The following ZUP1 variants were observed in gnomAD, a reference collection of about 807,000 sequenced individuals.
ZUP1 encodes the protein zinc finger-containing ubiquitin peptidase 1.
ZUP1 carries 55 observed loss-of-function variants against 68.1 expected under a neutral mutation model. The ratio of observed to expected loss-of-function variants is 0.81; its 90% CI spans 0.65 to 1.01. ZUP1 has a LOEUF of 1.01. Ranked by LOEUF, ZUP1 falls within the 50% of genes least tolerant of loss-of-function variation. The pLI is 0.00. For missense variants in ZUP1, 684 were observed against 674.9 expected, an observed-to-expected ratio of 1.01 and a Z score of -0.15; for synonymous variants, 223 against 221.5, an observed-to-expected ratio of 1.01 and a Z score of -0.06.
intron 5 of ZUP1, 151 bp downstream of exon 5, chr6:116,656,533 T>C (rs1776667501): frequency 3.2e-6 from 2 of 627,496 alleles, no homozygotes; most frequent in African/African-American, 1.9e-5. Context: ...TTATTTATCA[T>C]AAAAATAATT....
At chr6:116,659,563 T>C (rs944958463) in intron 3 of ZUP1, among the ~76,000 whole-genome samples, 2 of 152,016 alleles carry the variant, frequency 1.3e-5, no homozygotes, top group Non-Finnish European at 2.9e-5. Context: ...ACATCCTGCA[T>C]TGATACTCCT....
intron 4 of ZUP1, 148 bp downstream of exon 4, chr6:116,658,655 T>C (rs528976562): frequency 7.3e-6 from 5 of 682,782 alleles, no homozygotes; most frequent in African/African-American, 5.5e-5. Flanking sequence ...TGTGCCTCAC[T>C]AGAATGAATA....
chr6:116,667,286 G>T, intron 1 of ZUP1, 79 bp from the exon 2 acceptor site: 6 of 910,772 alleles, frequency 6.6e-6, no homozygotes, highest in Non-Finnish European at 9.5e-6. Context: ...ACAATTACTT[G>T]GTCTTTAACG....
intron 9 of ZUP1, among the ~76,000 whole-genome samples, chr6:116,639,351 A>G (rs922830696): frequency 5.3e-5 from 8 of 152,188 alleles, no homozygotes; most frequent in African/African-American, 1.9e-4. Context: ...CCCCCAGCAC[A>G]CAGCTGGAGA....
chr6:116,658,237 T>C (rs1776726398), intron 4 of ZUP1, among the ~76,000 whole-genome samples: 1 of 152,214 alleles, frequency 6.6e-6, no homozygotes, highest in South Asian at 2.1e-4. Context: ...TAACAGATGC[T>C]ACCAGTTTAG....
chr6:116,646,034 A>C, intron 8 of ZUP1, 100 bp from the exon 9 acceptor site: 2 of 795,744 alleles, frequency 2.5e-6, no homozygotes, highest in Non-Finnish European at 3.9e-6. Context: ...TGTTTAGAAT[A>C]TAAATACAGT....
At chr6:116,643,667 C>A (rs1045387256) in intron 9 of ZUP1, among the ~76,000 whole-genome samples, 1 of 152,180 alleles carries the variant, frequency 6.6e-6, no homozygotes, top group Non-Finnish European at 1.5e-5. Context: ...CCCTTCCTTA[C>A]ACCTTATACA....
At chr6:116,651,951 A>T (rs1776511769) in intron 6 of ZUP1, 53 bp downstream of exon 6, 1 of 1,558,714 alleles carries the variant, frequency 6.4e-7, no homozygotes, top group Non-Finnish European at 8.8e-7. Context: ...ATATCATTCT[A>T]TATCATATGT....
chr6:116,661,725 T>C (rs1046646546), intron 2 of ZUP1, among the ~76,000 whole-genome samples: 1 of 151,692 alleles, frequency 6.6e-6, no homozygotes, highest in South Asian at 2.1e-4. Context: ...AATCTGTATA[T>C]GTAAGGCCTG....
chr6:116,656,753 G>T lies in ZUP1; in HGVS notation c.892C>A (p.His298Asn), dbSNP rs1776678797. The change falls in exon 5 of 10, where the codon CAT becomes AAT. Residue 298 changes from histidine (H) to asparagine (N), a missense_variant. Coordinates refer to ENST00000368576, the MANE Select transcript of ZUP1 (RefSeq NM_145062.3). ...NRGRMPPSEF[H>N]RRKADMMESL... The stretch of plus-strand genomic sequence containing the variant: ...TCCATCATATCAGCTTTTCTCCTAT[G>T]AAATTCAGATGGAGGCATTCTTCCC... The T allele has an allele frequency of 1.2e-6, 2 of 1,612,304 alleles. No individual in the cohort carries two copies. The highest frequency in any genetic ancestry group is 1.7e-4 in the Middle Eastern group (1 of 6,044).
intron 2 of ZUP1, 51 bp downstream of exon 2, chr6:116,666,583 T>C: frequency 2.1e-6 from 3 of 1,444,772 alleles, no homozygotes; most frequent in Non-Finnish European, 2.8e-6. Context: ...AAATACCACA[T>C]ATTAAATTGA....
Position 116,651,609 on chromosome 6 carries a change from A to G in ZUP1, c.1279T>C (p.Cys427Arg). 1.9e-6 allele frequency: 3 copies of G among 1,613,784 alleles called. No individual in the cohort carries two copies. Among genetic ancestry groups the G allele is most frequent in the East Asian group, 2.2e-5 (1 of 44,828 alleles). The change falls in exon 7 of 10, where the codon TGT (cysteine) becomes CGT (arginine). Residue 427 changes from cysteine (C) to arginine (R), a missense_variant. By Grantham distance (180) the Cys-to-Arg change is radical. Transcript: ENST00000368576. ...GAGGTCAGGAGTATATATACTTCAC[A>G]TGCTCCAATCCAGGCCTTTGTTCCC... Reference protein sequence around the residue: ...LQGTKAWIGACEVYILLTSLR... With the variant: ...LQGTKAWIGAREVYILLTSLR...
intron 2 of ZUP1, among the ~76,000 whole-genome samples, chr6:116,664,440 A>C (rs558825573): frequency 3.6e-4 from 54 of 152,052 alleles, no homozygotes; most frequent in African/African-American, 1.3e-3. Context: ...AAAAAAAAAA[A>C]AACACACACA....
At chr6:116,660,645 AT>A (rs1350917788) in intron 3 of ZUP1, 90 bp downstream of exon 3, 7 of 651,440 alleles carry the variant, frequency 1.1e-5, no homozygotes, top group Non-Finnish European at 1.2e-5. Flanking sequence ...ATTTTAAAAT[AT>A]TTTTTCCATA....
At chr6:116,664,074 T>C (rs1183082538) in intron 2 of ZUP1, among the ~76,000 whole-genome samples, 1 of 152,188 alleles carries the variant, frequency 6.6e-6, no homozygotes, top group Admixed American at 6.5e-5. Context: ...AAAAATCTAA[T>C]TTACAAAAGC....
chr6:116,661,618 AC>A (rs937679744), intron 2 of ZUP1, among the ~76,000 whole-genome samples: 66 of 152,296 alleles, frequency 4.3e-4, no homozygotes, highest in African/African-American at 1.5e-3. Flanking sequence ...CTTGCCAAAA[AC>A]AGAAATTGTT....
rs760783407 is a variant in ZUP1 at position 116,667,047 on chromosome 6, T to G, written c.146A>C (p.Glu49Ala). The change falls in exon 2 of 10, where the codon GAA becomes GCA. Residue 49 changes from glutamate to alanine, a missense_variant. Glu to Ala is a moderately radical substitution (Grantham distance 107, BLOSUM62 -1). Coordinates refer to ENST00000368576, the MANE Select transcript of ZUP1 (RefSeq NM_145062.3). ...TGTATTCTGCTCAAAATGAGCTGTT[T>G]CGATATGAAAACACATTTCATCATA... ...VNYDEMCFHIETAHFEQNTLE... is the reference protein window; with the variant it reads ...VNYDEMCFHIATAHFEQNTLE... The G allele has an allele frequency of 5.6e-6, 9 of 1,613,718 alleles. No individual in the cohort carries two copies. Among genetic ancestry groups the G allele is most frequent in the Non-Finnish European group, 7.6e-6 (9 of 1,179,876 alleles).
At chr6:116,655,773 C>T (rs1776644889) in intron 5 of ZUP1, among the ~76,000 whole-genome samples, 1 of 152,116 alleles carries the variant, frequency 6.6e-6, no homozygotes, top group African/African-American at 2.4e-5. Context: ...GAATATATAA[C>T]AGTACAGGAG....
At chr6:116,661,035 C>T (rs564261072) in intron 2 of ZUP1, among the ~76,000 whole-genome samples, 189 bp from the exon 3 acceptor site, 7 of 151,550 alleles carry the variant, frequency 4.6e-5, no homozygotes, top group Non-Finnish European at 7.4e-5. Context: ...TGCGCCACCA[C>T]GCCCAGCTAA....
Sources: allele counts gnomAD v4.1 joint callset (sites outside exome capture counted in the v4.1 genomes callset), GRCh38; gene constraint gnomAD v4.1.1; transcripts MANE v1.5; gene names NCBI Gene and HGNC (gene_info 2026-07-23, HGNC 2026-07-21).